ZEB2: variants seen among roughly 807,000 people sequenced by gnomAD.
The protein encoded by ZEB2 is zinc finger E-box binding homeobox 2.
Under a neutral mutation model 99.9 loss-of-function variants are expected in ZEB2, and 6 were observed. The ratio of observed to expected loss-of-function variants is 0.06; its 90% CI spans 0.03 to 0.12. The LOEUF is 0.12. ZEB2 is among the 10% of genes least tolerant of loss of function. The pLI, the probability that ZEB2 is intolerant of heterozygous loss-of-function variation, is 1.00. For synonymous variants in ZEB2, 517 were observed against 542.5 expected, an observed-to-expected ratio of 0.95 and a Z score of 0.65; for missense variants, 969 against 1,502.8, an observed-to-expected ratio of 0.64 and a Z score of 5.87.
intron 2 of ZEB2, among the ~76,000 whole-genome samples, chr2:144,499,453 T>G (rs1704837633): frequency 6.6e-6 from 1 of 152,198 alleles, no homozygotes; most frequent in Non-Finnish European, 1.5e-5. Context: ...ATATAGTAAG[T>G]TGATAGCATA....
chr2:144,504,089 A>AAC (rs1560653594), intron 2 of ZEB2: 1 of 22,562 alleles, frequency 4.4e-5, no homozygotes, highest in Non-Finnish European at 2.1e-4. Flanking sequence ...GAAAAAAAAA[A>AAC]AAAAACAACA....
intron 7 of ZEB2, 86 bp downstream of exon 7, chr2:144,401,113 A>T: frequency 8.2e-7 from 1 of 1,218,144 alleles, no homozygotes; most frequent in Non-Finnish European, 1.2e-6. Flanking sequence ...AGCTACAAAT[A>T]GGACTGTGTA....
chr2:144,419,166 T>A (rs1703584924), intron 4 of ZEB2, among the ~76,000 whole-genome samples: 1 of 152,164 alleles, frequency 6.6e-6, no homozygotes, highest in Non-Finnish European at 1.5e-5. Flanking sequence ...CAAGTGTAGG[T>A]AATTGGTCTC....
intron 2 of ZEB2, among the ~76,000 whole-genome samples, chr2:144,500,885 C>T (rs1002264129): frequency 2.0e-5 from 3 of 152,176 alleles, no homozygotes; most frequent in African/African-American, 7.2e-5. Flanking sequence ...TTGCTCCCGA[C>T]ACCCAGGCAC....
intron 8 of ZEB2, among the ~76,000 whole-genome samples, chr2:144,397,247 A>G (rs1703242015): frequency 6.6e-6 from 1 of 152,240 alleles, no homozygotes; most frequent in Admixed American, 6.5e-5. Context: ...GCAAACTTGC[A>G]TGATAACATA....
intron 4 of ZEB2, among the ~76,000 whole-genome samples, chr2:144,407,966 T>C (rs1201588247): frequency 6.6e-6 from 1 of 152,224 alleles, no homozygotes; most frequent in Non-Finnish European, 1.5e-5. Context: ...GCAAATTCAA[T>C]TGGATTTGCA....
intron 2 of ZEB2, among the ~76,000 whole-genome samples, chr2:144,510,706 CT>C (rs1705021027): frequency 1.3e-5 from 2 of 152,048 alleles, no homozygotes; most frequent in African/African-American, 2.4e-5. Context: ...CTCTCTCTCT[CT>C]CTCTCTCTCT....
chr2:144,513,612 C>G (rs964708561), intron 2 of ZEB2: 1 of 1,530,014 alleles, frequency 6.5e-7, no homozygotes, highest in Non-Finnish European at 8.7e-7. Flanking sequence ...TGGAAGGTGG[C>G]GGGATGGGGA....
intron 2 of ZEB2, among the ~76,000 whole-genome samples, chr2:144,469,316 A>T (rs1462470720): frequency 6.6e-6 from 1 of 152,190 alleles, no homozygotes; most frequent in East Asian, 1.9e-4. Flanking sequence ...TACTACTGGT[A>T]GCTTTCTCCT....
At chr2:144,499,822 C>T (rs995027417) in intron 2 of ZEB2, among the ~76,000 whole-genome samples, 2 of 152,046 alleles carry the variant, frequency 1.3e-5, no homozygotes. Context: ...ACAATTTTGA[C>T]CCGTGTAACA....
chr2:144,515,797 T>G (rs1241945345), intron 2 of ZEB2, among the ~76,000 whole-genome samples: 2 of 146,748 alleles, frequency 1.4e-5, no homozygotes, highest in East Asian at 2.1e-4. Flanking sequence ...ACACAAAACC[T>G]AGAGAGAGAG....
At chr2:144,390,363 G>T (rs951834534) in intron 9 of ZEB2, among the ~76,000 whole-genome samples, 3 of 152,136 alleles carry the variant, frequency 2.0e-5, no homozygotes, top group Non-Finnish European at 4.4e-5. Context: ...TAGTGATCTA[G>T]CACATGTTTT....
chr2:144,422,902 CATT>C (rs1333780588), intron 4 of ZEB2, among the ~76,000 whole-genome samples: 1 of 152,162 alleles, frequency 6.6e-6, no homozygotes, highest in African/African-American at 2.4e-5. Flanking sequence ...TATTCTTCAT[CATT>C]ATTTTTTCAG....
Position 144,409,133 on chromosome 2 carries a change from C to T in ZEB2, c.404-4109G>A, listed in dbSNP as rs544920719. On this transcript the variant is annotated intron_variant, in intron 4 of 9. Coordinates refer to ENST00000627532, the MANE Select transcript of ZEB2 (RefSeq NM_014795.4). ...GGCCGAGGTGCACCTTGCAGTGGTT[C>T]GGTTGACCACCTTCCTTAAATTCCG... Among the ~76,000 whole-genome samples, 5 of 152,210 alleles carry T rather than the reference C, an allele frequency of 3.3e-5. No homozygotes were observed. The South Asian group carries it at 6.2e-4, about 19-fold the overall frequency.
intron 2 of ZEB2, among the ~76,000 whole-genome samples, chr2:144,509,839 A>G (rs897655091): frequency 2.6e-5 from 4 of 152,176 alleles, no homozygotes; most frequent in Admixed American, 6.5e-5. Flanking sequence ...GCATGTTGAA[A>G]ATGGTGGCAA....
At chr2:144,442,371 T>C (rs1196225859) in intron 2 of ZEB2, among the ~76,000 whole-genome samples, 1 of 152,172 alleles carries the variant, frequency 6.6e-6, no homozygotes, top group Non-Finnish European at 1.5e-5. Flanking sequence ...TCATCAGAAC[T>C]ACCCAGAATC....
At chr2:144,443,201 G>C (rs1250489063) in intron 2 of ZEB2, among the ~76,000 whole-genome samples, 3 of 151,972 alleles carry the variant, frequency 2.0e-5, no homozygotes, top group African/African-American at 7.2e-5. Context: ...TAAATCTTAA[G>C]AGAAAGAATT....
chr2:144,434,495 A>G (rs1560622841), intron 2 of ZEB2, among the ~76,000 whole-genome samples: 1 of 152,218 alleles, frequency 6.6e-6, no homozygotes, highest in Non-Finnish European at 1.5e-5. Context: ...TTGGTAGCAA[A>G]GCCGGTACCA....
At chr2:144,411,547 T>C (rs901922529) in intron 4 of ZEB2, among the ~76,000 whole-genome samples, 1 of 152,158 alleles carries the variant, frequency 6.6e-6, no homozygotes, top group Non-Finnish European at 1.5e-5. Flanking sequence ...AAAACAACCG[T>C]GAGGGAAGAG....
Sources: gnomAD v4.1 joint callset for allele counts (sites outside exome capture counted in the v4.1 genomes callset) on GRCh38, gnomAD v4.1.1 for gene constraint, MANE v1.5 for transcripts, NCBI Gene and HGNC (gene_info 2026-07-23, HGNC 2026-07-21) for gene names.